ZNF268: variants seen among roughly 807,000 people sequenced by gnomAD.
ZNF268 encodes the protein zinc finger protein 3.
ZNF268 carries 20 observed loss-of-function variants against 29.3 expected under a neutral mutation model. The observed-to-expected ratio is 0.68, with a 90% CI of 0.48 to 0.99. ZNF268 has a LOEUF of 0.99. ZNF268 is among the 50% of genes least tolerant of loss of function. ZNF268 has a pLI of 0.00. For synonymous variants in ZNF268, 429 were observed against 376.9 expected (o/e 1.14, Z -1.60); for missense variants, 1,240 against 1,121.6 (o/e 1.11, Z -1.51).
At chr12:133,193,808 C>T (rs949361920) in intron 5 of ZNF268, among the ~76,000 whole-genome samples, 39 of 152,216 alleles carry the variant, frequency 2.6e-4, no homozygotes, top group Admixed American at 2.4e-3. Flanking sequence ...GATTGATTCA[C>T]TGGCATCTCC....
chr12:133,191,854 TC>T, intron 4 of ZNF268, 53 bp from the exon 5 acceptor site: 2 of 1,583,788 alleles, frequency 1.3e-6, no homozygotes, highest in Non-Finnish European at 1.7e-6. Flanking sequence ...TTCTTCAGAA[TC>T]TCTGAATCTC....
intron 2 of ZNF268, among the ~76,000 whole-genome samples, chr12:133,184,996 C>T (rs1275990248): frequency 2.6e-5 from 4 of 151,976 alleles, no homozygotes; most frequent in East Asian, 3.9e-4. Flanking sequence ...CCAGCCTGGC[C>T]AACATGGCGA....
chr12:133,192,440 C>A (rs1473187685), intron 5 of ZNF268, among the ~76,000 whole-genome samples: 1 of 151,978 alleles, frequency 6.6e-6, no homozygotes, highest in Non-Finnish European at 1.5e-5. Flanking sequence ...TCGTTGGCAC[C>A]CTTATTTCCC....
intron 5 of ZNF268, among the ~76,000 whole-genome samples, chr12:133,197,189 C>T (rs1398732943): frequency 1.0e-5 from 1 of 99,040 alleles, no homozygotes; most frequent in Non-Finnish European, 1.9e-5. Context: ...CCTCCCCCCT[C>T]CCCCCACCCC....
At position 133,202,734 on chromosome 12, in the gene ZNF268, C is replaced by A. The variant is rs1208103277; in HGVS notation, c.1048C>A (p.His350Asn). 2 of 1,611,934 alleles carry A rather than the reference C, an allele frequency of 1.2e-6. No individual in the cohort carries two copies. Reference protein sequence around the residue: ...TFSFHSQLVIHQRIHTGENPY... With the variant: ...TFSFHSQLVINQRIHTGENPY... Reference sequence around the variant, plus strand: ...CAGTTTCCATTCACAGCTTGTTATACATCAGAGAATTCACACAGGTGAGAA... The same window carrying A: ...CAGTTTCCATTCACAGCTTGTTATAAATCAGAGAATTCACACAGGTGAGAA... The change falls in exon 6 of 6, where the codon CAT becomes AAT. Residue 350 changes from histidine (H) to asparagine (N), a missense_variant. By Grantham distance (68) the His-to-Asn change is moderately conservative (BLOSUM62 1). Transcript: ENST00000536435.
intron 5 of ZNF268, among the ~76,000 whole-genome samples, chr12:133,201,215 CTT>C (rs1956745463): frequency 6.6e-6 from 1 of 152,044 alleles, no homozygotes; most frequent in African/African-American, 2.4e-5. Context: ...TTGGCTGATA[CTT>C]TCAGCCAAAT....
At position 133,203,652 on chromosome 12, in the gene ZNF268, A is replaced by G; in HGVS notation, c.1966A>G (p.Ile656Val). Residue 656 changes from isoleucine to valine, a missense_variant, in exon 6 of 6, where the codon ATT (isoleucine) becomes GTT (valine). Around this residue, in one of 3 missense-constraint regions of ZNF268, gnomAD observed 1,177 missense variants for 1,039.6 expected, o/e 1.13. Coordinates refer to ENST00000536435, the MANE Select transcript of ZNF268 (RefSeq NM_003415.3). ...AGCCTTTACGTTCAAATCACAGCTC[A>G]TTGTACATAAAGGAGTGCACACTGG... ...GKAFTFKSQLIVHKGVHTGVK... is the reference protein window; with the variant it reads ...GKAFTFKSQLVVHKGVHTGVK... 3 of 1,554,402 alleles carry G rather than the reference A, an allele frequency of 1.9e-6. No individual in the cohort carries two copies. The highest frequency in any genetic ancestry group is 2.6e-6 in the Non-Finnish European group (3 of 1,154,176).
chr12:133,209,114 T>G lies in ZNF268; in HGVS notation c.*4584T>G, dbSNP rs1566395447. 6.6e-6 allele frequency: 1 copy of G among 152,096 alleles called. No homozygotes were observed. The highest frequency in any genetic ancestry group is 1.5e-5 in the Non-Finnish European group (1 of 68,054). The allele number at this position is 152,096 out of a possible 1,614,324, so 9.4% of individuals were successfully genotyped here. On this transcript the variant is annotated 3_prime_UTR_variant, in exon 6 of 6. Transcript: ENST00000536435. ...ACACGCCACCACGCCCAGCTAATTT[T>G]TGTGTTTTTAGTAGAGATGGGGTTT...
In ZNF268 at chr12:133,203,651, C is replaced by T. The variant is rs751389728; in HGVS notation, c.1965C>T (p.Leu655=). The change falls in exon 6 of 6, where the codon CTC becomes CTT. Residue 655 remains leucine (L), a synonymous_variant. Transcript: ENST00000536435. ...AAGCCTTTACGTTCAAATCACAGCTCATTGTACATAAAGGAGTGCACACTG... is the reference window on the plus strand; with the variant it reads ...AAGCCTTTACGTTCAAATCACAGCTTATTGTACATAAAGGAGTGCACACTG... The part of the protein sequence containing the change: ...CGKAFTFKSQ[L]IVHKGVHTGV... The T allele has an allele frequency of 1.9e-6, 3 of 1,555,488 alleles. No homozygotes were observed. The highest frequency in any genetic ancestry group is 2.6e-6 in the Non-Finnish European group (3 of 1,154,842).
Position 133,204,021 on chromosome 12 carries a change from C to A in ZNF268, c.2335C>A (p.Pro779Thr), listed in dbSNP as rs530140734. 1.3e-6 allele frequency: 2 copies of A among 1,575,188 alleles called. No individual in the cohort carries two copies. The highest frequency in any genetic ancestry group is 1.7e-6 in the Non-Finnish European group (2 of 1,163,448). The change falls in exon 6 of 6, where the codon CCT becomes ACT. Residue 779 changes from proline to threonine, a missense_variant. By Grantham distance (38) the Pro-to-Thr change is conservative. Coordinates refer to ENST00000536435, the MANE Select transcript of ZNF268 (RefSeq NM_003415.3). ...TCAGCGAACTCATGCAGGGGAAAAG[C>A]CTTATGGGTGCAGTGAATGTGGGAA... ...SHQRTHAGEK[P>T]YGCSECGKAF...
In ZNF268 at chr12:133,212,489, A is replaced by ATATATATATG; in HGVS notation, c.*7968_*7977dup. 1 of 21,658 alleles carries ATATATATATG rather than the reference A, an allele frequency of 4.6e-5. No homozygotes were observed. The highest frequency in any genetic ancestry group is 5.2e-4 in the Admixed American group (1 of 1,940). The allele number at this position is 21,658 out of a possible 1,614,324, so 1.3% of individuals were successfully genotyped here. On this transcript the variant is annotated 3_prime_UTR_variant, in exon 6 of 6. Transcript: ENST00000536435. ...TATATATATATATATATATATATAT[A>ATATATATATG]TATATATATGTATATATACACACAC...
intron 2 of ZNF268, among the ~76,000 whole-genome samples, chr12:133,184,485 CCT>C (rs1956258651): frequency 6.6e-6 from 1 of 152,108 alleles, no homozygotes; most frequent in South Asian, 2.1e-4. Flanking sequence ...AATGCTGTGT[CCT>C]CACATGGCCA....
Position 133,205,459 on chromosome 12 carries a change from G to C in ZNF268, c.*929G>C, listed in dbSNP as rs1022540452. 6.6e-6 allele frequency: 1 copy of C among 152,094 alleles called. No homozygotes were observed. Among genetic ancestry groups the C allele is most frequent in the Non-Finnish European group, 1.5e-5 (1 of 68,018 alleles). The allele number at this position is 152,094 out of a possible 1,614,324, so 9.4% of individuals were successfully genotyped here. A position where few individuals can be genotyped will look rare whatever the true frequency, so the allele number is the denominator to read the frequency against. ...GGCATTTTACTTGCGAATGCCATATGTGAGACAAAAATCATCTTCCAGAGA... is the reference window on the plus strand; with the variant it reads ...GGCATTTTACTTGCGAATGCCATATCTGAGACAAAAATCATCTTCCAGAGA... On this transcript the variant is annotated 3_prime_UTR_variant, in exon 6 of 6. Coordinates refer to ENST00000536435, the MANE Select transcript of ZNF268 (RefSeq NM_003415.3).
intron 5 of ZNF268, among the ~76,000 whole-genome samples, chr12:133,197,100 A>G (rs928597889): frequency 3.3e-5 from 5 of 149,844 alleles, no homozygotes; most frequent in South Asian, 2.1e-4. Context: ...GGTTAGTTAC[A>G]TATGTGTACA....
intron 3 of ZNF268, among the ~76,000 whole-genome samples, chr12:133,189,699 C>G (rs1192407772): frequency 3.3e-5 from 5 of 152,236 alleles, no homozygotes; most frequent in Non-Finnish European, 4.4e-5. Flanking sequence ...TTGGCATCCT[C>G]AGTTTCCTTA....
rs1956322715 is a variant in ZNF268 at position 133,186,583 on chromosome 12, GC to G, written c.34-1286del. Among the ~76,000 whole-genome samples the G allele has an allele frequency of 3.3e-5, 5 of 151,854 alleles. No homozygotes were observed. In the East Asian group the frequency reaches 9.7e-4, roughly 29 times the overall value. On this transcript the variant is annotated intron_variant, in intron 2 of 5. Transcript: ENST00000536435. ...AGTAGAGACGGGGTTTTACTGTGTT[GC>G]CCAGGCTGGTCTCGAACTCCTGAGT...
At position 133,202,372 on chromosome 12, in the gene ZNF268, T is replaced by G. The variant is rs1298224778; in HGVS notation, c.686T>G (p.Val229Gly). Reference protein sequence around the residue: ...YARNNPNGFQVHGKSFFHSKH... With the variant: ...YARNNPNGFQGHGKSFFHSKH... ...AGAAATAATCCTAATGGGTTTCAGG[T>G]ACATGGAAAATCATTCTTCCATTCT... The change falls in exon 6 of 6, where the codon GTA (valine) becomes GGA (glycine). Residue 229 changes from valine (V) to glycine (G), a missense_variant. Physicochemically the swap from Val to Gly is moderately radical, Grantham distance 109 (BLOSUM62 -3). Transcript: ENST00000536435. The G allele has an allele frequency of 3.1e-6, 5 of 1,611,310 alleles. No individual in the cohort carries two copies. The highest frequency in any genetic ancestry group is 4.2e-6 in the Non-Finnish European group (5 of 1,178,628).
chr12:133,187,905 G>A lies in ZNF268; in HGVS notation c.67G>A (p.Asp23Asn), dbSNP rs1956364335. ...PPLQERNSSWDRIRKLQGQES... is the reference protein window; with the variant it reads ...PPLQERNSSWNRIRKLQGQES... ...TCTCCAAGAACGAAACAGTTCATGG[G>A]ATAGGATCAGAAAGCTCCAAGGTCA... is the stretch of plus-strand genomic sequence containing the variant. The change falls in exon 3 of 6, where the codon GAT becomes AAT. Residue 23 changes from aspartate to asparagine, a missense_variant. Asp to Asn is a conservative substitution (Grantham distance 23, BLOSUM62 1). This residue lies in a region of ZNF268 where 51 missense variants were observed against 51.4 expected (regional missense o/e 0.99). Coordinates refer to ENST00000536435, the MANE Select transcript of ZNF268 (RefSeq NM_003415.3). The A allele has an allele frequency of 6.3e-7, 1 of 1,599,902 alleles. No individual in the cohort carries two copies. Among genetic ancestry groups the A allele is most frequent in the Non-Finnish European group, 8.5e-7 (1 of 1,173,030 alleles).
At position 133,191,506 on chromosome 12, in the gene ZNF268, G is replaced by C; in HGVS notation, c.252G>C (p.Met84Ile). ...TATTTCAGGGACCTTTGTCATTCATGGATGTGTTTGTGGATTTTACCTGGG... is the reference window on the plus strand; with the variant it reads ...TATTTCAGGGACCTTTGTCATTCATCGATGTGTTTGTGGATTTTACCTGGG... ...ITKSWGPLSF[M>I]DVFVDFTWEE... The change falls in exon 4 of 6, where the codon ATG becomes ATC. Residue 84 changes from methionine (M) to isoleucine (I), a missense_variant. This residue lies in a region of ZNF268 where 1,177 missense variants were observed against 1,039.6 expected (regional missense o/e 1.13). Coordinates refer to ENST00000536435, the MANE Select transcript of ZNF268 (RefSeq NM_003415.3). 6.2e-7 allele frequency: 1 copy of C among 1,613,998 alleles called. No homozygotes were observed. Among genetic ancestry groups the C allele is most frequent in the Non-Finnish European group, 8.5e-7 (1 of 1,179,934 alleles).
Sources: allele counts gnomAD v4.1 joint callset (sites outside exome capture counted in the v4.1 genomes callset), GRCh38; gene constraint gnomAD v4.1.1; regional missense constraint gnomAD v4.1.1; transcripts MANE v1.5; gene names NCBI Gene and HGNC (gene_info 2026-07-23, HGNC 2026-07-21).